TAS1R2: variants seen among roughly 807,000 people sequenced by gnomAD.
The protein encoded by TAS1R2 is taste receptor type 1 member 2.
A neutral mutation model predicts 49.3 loss-of-function variants in TAS1R2; 47 were observed. The ratio of observed to expected loss-of-function variants is 0.95; its 90% CI spans 0.75 to 1.22. The LOEUF (loss-of-function observed/expected upper bound fraction) is 1.22, where lower values mean the gene tolerates loss of function less well. Among genes scored for constraint, TAS1R2 ranks in the 50% most tolerant of loss-of-function variants. The pLI, the probability that TAS1R2 is intolerant of heterozygous loss-of-function variation, is 0.00. For missense variants in TAS1R2, 1,155 were observed against 1,122.1 expected (o/e 1.03, Z -0.42); for synonymous variants, 479 against 467.9 (o/e 1.02, Z -0.31).
intron 3 of TAS1R2, among the ~76,000 whole-genome samples, chr1:18,853,280 A>G (rs1383207344): frequency 3.3e-5 from 5 of 152,184 alleles, no homozygotes; most frequent in South Asian, 2.1e-4. Flanking sequence ...GGAGTAAAGC[A>G]CCCATGATAA....
intron 1 of TAS1R2, 129 bp downstream of exon 1, chr1:18,859,350 G>T (rs541215068): frequency 5.3e-6 from 6 of 1,139,262 alleles, no homozygotes; most frequent in Non-Finnish European, 7.7e-6. Flanking sequence ...AGAATAAGGG[G>T]GTTGGCAATG....
intron 4 of TAS1R2, among the ~76,000 whole-genome samples, chr1:18,843,254 C>T (rs1002940276): frequency 6.6e-6 from 1 of 152,188 alleles, no homozygotes; most frequent in African/African-American, 2.4e-5. Context: ...TAGAAAGTAG[C>T]AAGCACTTTT....
chr1:18,846,331 C>T (rs1402599748), intron 4 of TAS1R2, among the ~76,000 whole-genome samples: 3 of 152,332 alleles, frequency 2.0e-5, no homozygotes, highest in Non-Finnish European at 2.9e-5. Flanking sequence ...GGTGGCTCTT[C>T]GGGAGGTCCC....
chr1:18,848,377 AG>A (rs11332277), intron 4 of TAS1R2, among the ~76,000 whole-genome samples: 22,920 of 152,042 alleles, frequency 0.15, 2,011 homozygotes, highest in East Asian at 0.44. Flanking sequence ...TACTTTGCAG[AG>A]GTCTCTGAAC....
At chr1:18,851,224 C>A (rs1934018146) in intron 3 of TAS1R2, among the ~76,000 whole-genome samples, 1 of 152,180 alleles carries the variant, frequency 6.6e-6, no homozygotes, top group East Asian at 1.9e-4. Context: ...GGGGAAGAGC[C>A]AGACCAGTGC....
intron 4 of TAS1R2, among the ~76,000 whole-genome samples, chr1:18,846,497 T>A (rs61761366): frequency 6.6e-6 from 1 of 152,130 alleles, no homozygotes; most frequent in Admixed American, 6.5e-5. Flanking sequence ...ACATAAACCC[T>A]TGTCTCAGGC....
intron 4 of TAS1R2, among the ~76,000 whole-genome samples, chr1:18,848,372 T>C (rs994768525): frequency 2.7e-5 from 4 of 147,148 alleles, no homozygotes; most frequent in African/African-American, 1.0e-4. Context: ...GTGTTTACTT[T>C]GCAGAGGTCT....
At chr1:18,848,656 C>T (rs1039595039) in intron 4 of TAS1R2, among the ~76,000 whole-genome samples, 3 of 152,160 alleles carry the variant, frequency 2.0e-5, no homozygotes, top group African/African-American at 7.2e-5. Context: ...ACCACCTGAG[C>T]TCCACCTCCT....
rs777634400 is a variant in TAS1R2, at chr1:18,854,779, C to T, written c.691G>A (p.Asp231Asn). 2.5e-6 allele frequency: 4 copies of T among 1,606,662 alleles called. No homozygotes were observed. The highest frequency in any genetic ancestry group is 1.7e-5 in the Admixed American group (1 of 59,592). ...GTCTCCTGGAAGGCGATGCAGATGT[C>T]GCGCCGGGCCACGCGCTCGCCAAGC... The change falls in exon 3 of 6, where the codon GAC becomes AAC. Residue 231 changes from aspartate to asparagine, a missense_variant. Physicochemically the swap from Asp to Asn is conservative, Grantham distance 23. Transcript: ENST00000375371. This position sits in a 1 kb window ranked among gnomAD's most constrained non-coding sequence, Gnocchi z 4.9.
intron 3 of TAS1R2, among the ~76,000 whole-genome samples, chr1:18,852,756 G>T (rs182812623): frequency 3.3e-5 from 5 of 152,304 alleles, no homozygotes; most frequent in Admixed American, 1.3e-4. Context: ...CTCCTGGAAG[G>T]TCCAGTGCCT....
rs974620022 is a variant in TAS1R2, at chr1:18,843,226, G to A, written c.1468-1374C>T. Among the ~76,000 whole-genome samples the A allele has an allele frequency of 5.3e-5, 8 of 152,308 alleles. No individual in the cohort carries two copies. In the South Asian group the frequency reaches 6.2e-4, roughly 12 times the overall value. On this transcript the variant is annotated intron_variant, in intron 4 of 5. Transcript: ENST00000375371. ...GGTCTATGATATTCATGACACCGTG[G>A]TAATTGGACCTGGTTAGTAGAAAGT...
In TAS1R2 at chr1:18,854,431, GC is replaced by G; in HGVS notation, c.1038del (p.Pro347ArgfsTer21). ...TGGCTGGTCCTGCTGAGGGGTGGCG[GC>G]CCAGCCTGTGGGCCCCACTCGCGGA... On this transcript the variant is annotated frameshift_variant, in exon 3 of 6. Coordinates refer to ENST00000375371, the Ensembl canonical transcript of TAS1R2. LOFTEE classifies it high-confidence loss of function. The surrounding 1 kb of genome is among the most constrained non-coding windows in gnomAD (Gnocchi z 4.9). The G allele has an allele frequency of 1.2e-6, 2 of 1,614,028 alleles. No individual in the cohort carries two copies. Among genetic ancestry groups the G allele is most frequent in the Non-Finnish European group, 1.7e-6 (2 of 1,179,996 alleles).
intron 4 of TAS1R2, 96 bp from the exon 5 acceptor site, chr1:18,841,948 C>T (rs1037641098): frequency 3.0e-5 from 41 of 1,357,504 alleles, no homozygotes; most frequent in Non-Finnish European, 2.9e-6. Context: ...GGGGAGGAAG[C>T]CTAGAAGCCC....
chr1:18,853,006 A>T (rs1437533037), intron 3 of TAS1R2, among the ~76,000 whole-genome samples: 1 of 152,160 alleles, frequency 6.6e-6, no homozygotes, highest in African/African-American at 2.4e-5. Context: ...CTGCTGGGAG[A>T]AGGAAAAAGT....
intron 5 of TAS1R2, 27 bp downstream of exon 5, chr1:18,841,702 C>A: frequency 2.5e-6 from 4 of 1,603,794 alleles, no homozygotes; most frequent in Non-Finnish European, 3.4e-6. Flanking sequence ...AGGGGCAGGG[C>A]AGGAGTGCTA....
In TAS1R2 at chr1:18,841,863, G is replaced by A. The variant is rs950372713; in HGVS notation, c.1468-11C>T. On this transcript the variant is annotated splice_polypyrimidine_tract_variant and intron_variant, in intron 4 of 5. Transcript: ENST00000375371. ...CATGGACATAGGGATCTGGAGGGAG[G>A]AGGGCAAGAGACCCTGAGTCCTCTT... is the stretch of plus-strand genomic sequence containing the variant. 1.3e-6 allele frequency: 2 copies of A among 1,579,132 alleles called. No homozygotes were observed. The highest frequency in any genetic ancestry group is 1.7e-6 in the Non-Finnish European group (2 of 1,153,436).
chr1:18,843,437 C>T (rs1382613090), intron 4 of TAS1R2, among the ~76,000 whole-genome samples: 3 of 152,182 alleles, frequency 2.0e-5, no homozygotes, highest in African/African-American at 7.2e-5. Context: ...CCTACACCTG[C>T]TACCATGAAA....
chr1:18,841,594 CCTGGCCTTTGGACA>C, intron 5 of TAS1R2, 121 bp downstream of exon 5: 1 of 1,312,038 alleles, frequency 7.6e-7, no homozygotes, highest in Non-Finnish European at 1.0e-6. Flanking sequence ...AGATCTGGTC[CCTGGCCTTTGGACA>C]CTCACACCCC....
chr1:18,849,678 A>C, intron 3 of TAS1R2, 128 bp from the exon 4 acceptor site: 1 of 1,065,026 alleles, frequency 9.4e-7, no homozygotes, highest in Non-Finnish European at 1.4e-6. Flanking sequence ...GGAGGCAATA[A>C]ATCTCCGAAA....
Sources: allele counts gnomAD v4.1 joint callset (sites outside exome capture counted in the v4.1 genomes callset), GRCh38; gene constraint gnomAD v4.1.1; non-coding constraint Gnocchi (gnomAD v3.1); transcripts MANE v1.5; gene names NCBI Gene and HGNC (gene_info 2026-07-23, HGNC 2026-07-21).